LRP1B: variants seen among roughly 807,000 people sequenced by gnomAD.
LRP1B encodes the protein LDL receptor related protein 1B.
LRP1B carries 217 observed loss-of-function variants against 556.6 expected under a neutral mutation model. That is an observed-to-expected ratio of 0.39 (90% confidence interval 0.35 to 0.44). The LOEUF (loss-of-function observed/expected upper bound fraction) is 0.44. Among genes scored for constraint, LRP1B ranks in the 20% least tolerant of loss-of-function variants. The pLI, the probability that LRP1B is intolerant of heterozygous loss-of-function variation, is 1.00. For missense variants in LRP1B, 5,053 were observed against 5,620.8 expected (o/e 0.90, Z 3.23); for synonymous variants, 2,047 against 1,865.8 (o/e 1.10, Z -2.50).
chr2:141,456,646 A>T (rs939173825), intron 3 of LRP1B, among the ~76,000 whole-genome samples: 2 of 152,234 alleles, frequency 1.3e-5, no homozygotes, highest in African/African-American at 4.8e-5. Flanking sequence ...ATGAAATGAA[A>T]ATATTAAAAA....
intron 3 of LRP1B, among the ~76,000 whole-genome samples, chr2:141,453,819 C>G (rs542491335): frequency 6.6e-6 from 1 of 150,822 alleles, no homozygotes; most frequent in South Asian, 2.1e-4. Context: ...GAGGCTGAGG[C>G]AGGAGAATTG....
At chr2:140,397,348 C>A (rs1684299309) in intron 66 of LRP1B, among the ~76,000 whole-genome samples, 1 of 152,078 alleles carries the variant, frequency 6.6e-6, no homozygotes, top group Non-Finnish European at 1.5e-5. Context: ...CTCCCCTCCC[C>A]TCTCCCCAAC....
rs77534971 is a variant in LRP1B, at chr2:141,410,042, A to G, written c.343+70354T>C. On this transcript the variant is annotated intron_variant, in intron 3 of 90. Coordinates refer to ENST00000389484, the MANE Select transcript of LRP1B (RefSeq NM_018557.3). ...TGTGGAGAGTCAAAGTGAAAAATAT[A>G]TTCTAGGAGAGAGAAAAAACGTATA... 3.6e-3 allele frequency among the ~76,000 whole-genome samples: 544 copies of G among 152,158 alleles called. 2 individuals carry two copies. The highest frequency in any genetic ancestry group is 0.011 in the African/African-American group (476 of 41,560).
At position 142,075,992 on chromosome 2, in the gene LRP1B, TCATAGCTG is replaced by T. The variant is rs565647078; in HGVS notation, c.82+54648_82+54655del. Among the ~76,000 whole-genome samples, 21 of 152,210 alleles carry T rather than the reference TCATAGCTG, an allele frequency of 1.4e-4. No homozygotes were observed. The East Asian group carries it at 3.9e-3, about 28-fold the overall frequency. On this transcript the variant is annotated intron_variant, in intron 1 of 90. Transcript: ENST00000389484. ...TTAATTCTCCATTCACTGCTGTAAATCATAGCTGGTCTCAGAAAAGCATTCTTAACCAC... is the reference window on the plus strand; with the variant it reads ...TTAATTCTCCATTCACTGCTGTAAATGTCTCAGAAAAGCATTCTTAACCAC...
intron 84 of LRP1B, among the ~76,000 whole-genome samples, chr2:140,296,755 A>T (rs1015365946): frequency 4.6e-5 from 7 of 152,228 alleles, no homozygotes; most frequent in African/African-American, 7.2e-5. Context: ...TGATCATTAT[A>T]TATGGCAACA....
At chr2:142,119,505 T>C (rs1422638961) in intron 1 of LRP1B, among the ~76,000 whole-genome samples, 1 of 152,104 alleles carries the variant, frequency 6.6e-6, no homozygotes, top group Non-Finnish European at 1.5e-5. Flanking sequence ...ACTCTCACTT[T>C]TTCTCACAGT....
At chr2:141,406,694 C>A (rs1031131340) in intron 3 of LRP1B, among the ~76,000 whole-genome samples, 3 of 151,896 alleles carry the variant, frequency 2.0e-5, no homozygotes, top group African/African-American at 2.4e-5. Flanking sequence ...TCGTGTCAGG[C>A]ATGTTGTATT....
chr2:141,805,521 A>C lies in LRP1B; in HGVS notation c.205+4758T>G, dbSNP rs146410837. On this transcript the variant is annotated intron_variant, in intron 2 of 90. Coordinates refer to ENST00000389484, the MANE Select transcript of LRP1B (RefSeq NM_018557.3). The stretch of plus-strand genomic sequence containing the variant: ...ACCATGACTGGTAGATGCAAACAAA[A>C]CTCTGTGCTTCGTGCATTCATTGTG... 9 of 151,994 alleles carry C rather than the reference A, an allele frequency of 5.9e-5. No homozygotes were observed. In the East Asian group the frequency reaches 1.7e-3, roughly 29 times the overall value. The allele number at this position is 151,994 out of a possible 1,614,324, so 9.4% of individuals were successfully genotyped here.
At chr2:142,060,111 A>T (rs1490550006) in intron 1 of LRP1B, among the ~76,000 whole-genome samples, 1 of 152,132 alleles carries the variant, frequency 6.6e-6, no homozygotes, top group African/African-American at 2.4e-5. Flanking sequence ...AATATTTTAT[A>T]TTCAATATCT....
intron 11 of LRP1B, among the ~76,000 whole-genome samples, chr2:141,030,272 A>G (rs1050444059): frequency 2.6e-5 from 4 of 152,158 alleles, no homozygotes; most frequent in Admixed American, 6.6e-5. Context: ...GAAAAGAAAA[A>G]TGTTAAACAT....
chr2:140,556,108 C>T (rs1003973772), intron 43 of LRP1B, among the ~76,000 whole-genome samples: 7 of 151,968 alleles, frequency 4.6e-5, no homozygotes, highest in African/African-American at 9.7e-5. Context: ...GTGTCTCCAA[C>T]GGGGCTCAGG....
chr2:141,497,889 G>A (rs1420925387), intron 2 of LRP1B, among the ~76,000 whole-genome samples: 3 of 151,542 alleles, frequency 2.0e-5, no homozygotes, highest in Non-Finnish European at 4.4e-5. Flanking sequence ...ATTATATTTA[G>A]GATATAAATT....
At chr2:140,676,467 T>C (rs1685675046) in intron 41 of LRP1B, among the ~76,000 whole-genome samples, 1 of 152,180 alleles carries the variant, frequency 6.6e-6, no homozygotes, top group African/African-American at 2.4e-5. Context: ...CCATTAATTA[T>C]TGTTTATTTC....
intron 1 of LRP1B, among the ~76,000 whole-genome samples, chr2:141,835,575 A>G (rs1296819230): frequency 1.3e-5 from 2 of 151,928 alleles, no homozygotes; most frequent in Admixed American, 6.6e-5. Flanking sequence ...TATAAATAGA[A>G]GAGAGGTTGA....
chr2:140,486,845 T>C (rs1688493403), intron 58 of LRP1B, among the ~76,000 whole-genome samples: 1 of 151,846 alleles, frequency 6.6e-6, no homozygotes, highest in South Asian at 2.1e-4. Context: ...CAGCTTACTA[T>C]TTGTTTCATC....
chr2:142,026,772 C>T (rs772877456), intron 1 of LRP1B, among the ~76,000 whole-genome samples: 1 of 151,954 alleles, frequency 6.6e-6, no homozygotes. Context: ...AGATTAAAAC[C>T]TATACTTTGG....
chr2:140,499,705 C>T (rs186950299), intron 55 of LRP1B, among the ~76,000 whole-genome samples: 61 of 151,756 alleles, frequency 4.0e-4, no homozygotes, highest in African/African-American at 1.3e-3. Flanking sequence ...CATCTCTCAC[C>T]ATATGTTTAG....
At chr2:140,580,460 C>T (rs548463931) in intron 43 of LRP1B, among the ~76,000 whole-genome samples, 4 of 152,212 alleles carry the variant, frequency 2.6e-5, no homozygotes, top group South Asian at 2.1e-4. Context: ...AAATAAAAAG[C>T]GATCATTTAC....
chr2:141,209,988 A>C (rs762948510), intron 6 of LRP1B, among the ~76,000 whole-genome samples: 23 of 152,120 alleles, frequency 1.5e-4, no homozygotes, highest in Non-Finnish European at 3.1e-4. Flanking sequence ...ACCATTATCA[A>C]CTCACTCCCA....
Sources: gnomAD v4.1 joint callset for allele counts (sites outside exome capture counted in the v4.1 genomes callset) on GRCh38, gnomAD v4.1.1 for gene constraint, MANE v1.5 for transcripts, NCBI Gene and HGNC (gene_info 2026-07-23, HGNC 2026-07-21) for gene names.